Variants in PKNOX2 observed in about 807,000 individuals in gnomAD.
PKNOX2 encodes the protein PBX/knotted 1 homeobox 2.
Under a neutral mutation model 53.1 loss-of-function variants are expected in PKNOX2, and 14 were observed. That is an observed-to-expected ratio of 0.26 (90% CI 0.17 to 0.41). PKNOX2 has a LOEUF of 0.41. Ranked by LOEUF, PKNOX2 falls within the 10% of genes least tolerant of loss-of-function variation. The probability of loss-of-function intolerance (pLI) is 1.00; values close to 1 mark genes in which losing one functional copy is unlikely to be tolerated. For missense variants in PKNOX2, 496 were observed against 602.8 expected, an observed-to-expected ratio of 0.82 and a Z score of 1.85; for synonymous variants, 257 against 242.8, an observed-to-expected ratio of 1.06 and a Z score of -0.54.
chr11:125,219,916 TTG>T (rs1345840563), intron 1 of PKNOX2, among the ~76,000 whole-genome samples: 3 of 152,228 alleles, frequency 2.0e-5, no homozygotes, highest in African/African-American at 4.8e-5. Context: ...AAAGACATTC[TTG>T]TACCTATAGG....
intron 2 of PKNOX2, among the ~76,000 whole-genome samples, chr11:125,312,749 G>A (rs983687886): frequency 1.3e-5 from 2 of 152,210 alleles, no homozygotes; most frequent in Non-Finnish European, 2.9e-5. Flanking sequence ...GGGCTCAGCA[G>A]CACCATACAG....
chr11:125,309,665 G>T (rs1199261935), intron 2 of PKNOX2, among the ~76,000 whole-genome samples: 1 of 152,182 alleles, frequency 6.6e-6, no homozygotes, highest in African/African-American at 2.4e-5. Context: ...TGAAATTACA[G>T]GCGTGAGCGA....
At chr11:125,424,302 A>G (rs191380111) in intron 10 of PKNOX2, among the ~76,000 whole-genome samples, 154 of 152,326 alleles carry the variant, frequency 1.0e-3, no homozygotes, top group African/African-American at 3.7e-3. Context: ...GACTACAGAA[A>G]GAGAAGTTTC....
chr11:125,362,524 C>T (rs372553691), intron 4 of PKNOX2, among the ~76,000 whole-genome samples: 3 of 152,106 alleles, frequency 2.0e-5, no homozygotes, highest in Non-Finnish European at 4.4e-5. Context: ...CAGGCACCAC[C>T]GCATCCAGCC....
intron 3 of PKNOX2, among the ~76,000 whole-genome samples, chr11:125,344,252 T>C (rs1235987257): frequency 6.6e-6 from 1 of 152,172 alleles, no homozygotes; most frequent in African/African-American, 2.4e-5. Flanking sequence ...GAGGACATAT[T>C]GTTACTCCAA....
intron 2 of PKNOX2, among the ~76,000 whole-genome samples, chr11:125,273,638 T>C (rs1945965250): frequency 6.6e-6 from 1 of 152,146 alleles, no homozygotes; most frequent in Admixed American, 6.5e-5. Flanking sequence ...TTTGCCTTCC[T>C]AGGAGTTAGG....
intron 3 of PKNOX2, among the ~76,000 whole-genome samples, chr11:125,333,880 C>T (rs1950282485): frequency 6.6e-6 from 1 of 152,132 alleles, no homozygotes; most frequent in Non-Finnish European, 1.5e-5. Flanking sequence ...AATTACACAT[C>T]GGTTTGGGGA....
rs1184913192 is a variant in PKNOX2, at chr11:125,168,433, A to G, written c.-201+3657A>G. ...AGTTGCCTGGAAGTTCAGTAGCAAT[A>G]AATTGTATAAACACATTTGAAGTAA... On this transcript the variant is annotated intron_variant, in intron 1 of 12. Coordinates refer to ENST00000298282, the MANE Select transcript of PKNOX2 (RefSeq NM_001382323.2). Among the ~76,000 whole-genome samples the G allele has an allele frequency of 3.3e-5, 5 of 152,264 alleles. No homozygotes were observed. The East Asian group carries it at 7.7e-4, about 23-fold the overall frequency.
At chr11:125,420,858 A>C (rs599206) in intron 10 of PKNOX2, among the ~76,000 whole-genome samples, 64,808 of 151,864 alleles carry the variant, frequency 0.43, 14,830 homozygotes, top group East Asian at 0.68. Flanking sequence ...GGAGACGCTG[A>C]AGGTTCACTT....
At chr11:125,427,321 C>A (rs1229634315) in intron 10 of PKNOX2, among the ~76,000 whole-genome samples, 1 of 152,194 alleles carries the variant, frequency 6.6e-6, no homozygotes, top group Non-Finnish European at 1.5e-5. Context: ...CCGTATGAAT[C>A]ACAAGTCCCA....
intron 7 of PKNOX2, among the ~76,000 whole-genome samples, chr11:125,401,189 A>G (rs1210079117): frequency 6.6e-6 from 1 of 152,208 alleles, no homozygotes; most frequent in Non-Finnish European, 1.5e-5. Context: ...GGAAGCAGAG[A>G]CAGGCTGAAG....
chr11:125,384,012 A>C (rs11821354), intron 5 of PKNOX2, among the ~76,000 whole-genome samples: 2,544 of 152,322 alleles, frequency 0.017, 82 homozygotes, highest in African/African-American at 0.057. Context: ...CAGACCAGAG[A>C]GGGCTGTGAG....
chr11:125,269,447 C>A (rs1171664068), intron 2 of PKNOX2, among the ~76,000 whole-genome samples: 1 of 152,142 alleles, frequency 6.6e-6, no homozygotes, highest in South Asian at 2.1e-4. Flanking sequence ...GAAAAAATAA[C>A]TCTTTAATTT....
intron 1 of PKNOX2, among the ~76,000 whole-genome samples, chr11:125,217,337 T>C (rs896407891): frequency 6.6e-6 from 1 of 152,068 alleles, no homozygotes; most frequent in Non-Finnish European, 1.5e-5. Context: ...TCTCACTCCA[T>C]GTAGTTTGCA....
intron 6 of PKNOX2, among the ~76,000 whole-genome samples, chr11:125,389,528 A>G (rs2059614): frequency 0.054 from 8,076 of 150,932 alleles, 305 homozygotes; most frequent in Admixed American, 0.1. Flanking sequence ...CACTCCCTCC[A>G]CTCCAATTCC....
chr11:125,324,381 T>C (rs1436637221), intron 2 of PKNOX2, among the ~76,000 whole-genome samples: 1 of 152,228 alleles, frequency 6.6e-6, no homozygotes, highest in African/African-American at 2.4e-5. Flanking sequence ...TGTGGTGTGT[T>C]ATACACTCCA....
chr11:125,369,146 C>T (rs1351482555), intron 5 of PKNOX2, among the ~76,000 whole-genome samples: 2 of 152,212 alleles, frequency 1.3e-5, no homozygotes, highest in Non-Finnish European at 2.9e-5. Context: ...ATTTTTAGTT[C>T]CTCAGATAAG....
chr11:125,279,085 C>T (rs1946373682), intron 2 of PKNOX2, among the ~76,000 whole-genome samples: 1 of 152,226 alleles, frequency 6.6e-6, no homozygotes, highest in Non-Finnish European at 1.5e-5. Flanking sequence ...TATTGGAAAC[C>T]AGAGAGCTTA....
chr11:125,260,780 G>C (rs1012944373), intron 2 of PKNOX2, among the ~76,000 whole-genome samples: 12 of 152,170 alleles, frequency 7.9e-5, no homozygotes, highest in African/African-American at 2.9e-4. Flanking sequence ...CTGTGGCCTT[G>C]AGGACAACTT....
Sources: gnomAD v4.1 joint callset for allele counts (sites outside exome capture counted in the v4.1 genomes callset) on GRCh38, gnomAD v4.1.1 for gene constraint, MANE v1.5 for transcripts, NCBI Gene and HGNC (gene_info 2026-07-23, HGNC 2026-07-21) for gene names.